The following FGGY variants were observed in gnomAD, a reference collection of about 807,000 sequenced individuals.
The protein encoded by FGGY is FGGY carbohydrate kinase domain containing, also known as FGGY carbohydrate kinase domain-containing protein.
In FGGY, 72 loss-of-function variants were observed where a neutral mutation model predicts 71.3. The ratio of observed to expected loss-of-function variants is 1.01; its 90% CI spans 0.84 to 1.23. FGGY has a LOEUF of 1.23. Ranked by LOEUF, FGGY falls within the 50% of genes most tolerant of loss-of-function variation. The pLI is 0.00. For missense variants in FGGY, 668 were observed against 682.3 expected, an observed-to-expected ratio of 0.98 and a Z score of 0.23; for synonymous variants, 251 against 250.3, an observed-to-expected ratio of 1.00 and a Z score of -0.02.
chr1:59,691,925 A>T (rs1255155483), intron 14 of FGGY, among the ~76,000 whole-genome samples: 1 of 152,182 alleles, frequency 6.6e-6, no homozygotes, highest in Non-Finnish European at 1.5e-5. Flanking sequence ...AATCTTGCTC[A>T]AGTGATTTTT....
intron 14 of FGGY, among the ~76,000 whole-genome samples, chr1:59,711,833 G>T (rs952856779): frequency 6.6e-6 from 1 of 152,068 alleles, no homozygotes. Flanking sequence ...CAGCATGGGG[G>T]AATTCAAGAT....
chr1:59,521,042 G>GGC (rs2094816640), intron 7 of FGGY, among the ~76,000 whole-genome samples: 1 of 143,028 alleles, frequency 7.0e-6, no homozygotes, highest in African/African-American at 2.6e-5. Flanking sequence ...GGGGTGGGGG[G>GGC]GGATTAGAAA....
intron 1 of FGGY, among the ~76,000 whole-genome samples, chr1:59,307,334 A>G (rs2043596684): frequency 6.6e-6 from 1 of 151,962 alleles, no homozygotes; most frequent in Non-Finnish European, 1.5e-5. Flanking sequence ...AAAAAAAAAA[A>G]AAAATCGAGT....
At chr1:59,417,768 A>G (rs1481027995) in intron 5 of FGGY, among the ~76,000 whole-genome samples, 7 of 152,174 alleles carry the variant, frequency 4.6e-5, no homozygotes, top group African/African-American at 1.7e-4. Flanking sequence ...GTCTGTTCAG[A>G]TCATATGCCC....
At chr1:59,507,604 C>G (rs1307748507) in intron 6 of FGGY, among the ~76,000 whole-genome samples, 1 of 151,642 alleles carries the variant, frequency 6.6e-6, no homozygotes, top group Non-Finnish European at 1.5e-5. Context: ...GCAACCTCTG[C>G]CTTCCTGGGT....
At chr1:59,701,034 G>T (rs2097705179) in intron 14 of FGGY, among the ~76,000 whole-genome samples, 1 of 152,190 alleles carries the variant, frequency 6.6e-6, no homozygotes, top group African/African-American at 2.4e-5. Flanking sequence ...GCCAACACTT[G>T]TGTTTTCTGT....
chr1:59,361,834 A>G (rs1486199929), intron 4 of FGGY, among the ~76,000 whole-genome samples: 1 of 152,198 alleles, frequency 6.6e-6, no homozygotes, highest in Admixed American at 6.5e-5. Context: ...AGTTGTCTCA[A>G]GACTAGACAG....
At chr1:59,368,480 C>T (rs998732029) in intron 4 of FGGY, among the ~76,000 whole-genome samples, 16 of 152,204 alleles carry the variant, frequency 1.1e-4, no homozygotes, top group African/African-American at 3.9e-4. Context: ...GTCTGACCCC[C>T]AGTTCCTTAA....
intron 5 of FGGY, among the ~76,000 whole-genome samples, chr1:59,433,612 T>C (rs1259580197): frequency 6.6e-6 from 1 of 152,208 alleles, no homozygotes; most frequent in African/African-American, 2.4e-5. Context: ...ACCAAAAATA[T>C]GCTTTTGTAA....
intron 14 of FGGY, among the ~76,000 whole-genome samples, chr1:59,695,559 C>T (rs991368641): frequency 6.6e-6 from 1 of 152,166 alleles, no homozygotes; most frequent in Non-Finnish European, 1.5e-5. Context: ...AGGCATCTTA[C>T]AAATTTATTG....
chr1:59,503,113 C>T (rs970857275), intron 6 of FGGY, among the ~76,000 whole-genome samples: 1 of 152,156 alleles, frequency 6.6e-6, no homozygotes, highest in Admixed American at 6.5e-5. Context: ...TACATAGTGA[C>T]TTTGAACAAA....
At chr1:59,703,499 G>A (rs2097727368) in intron 14 of FGGY, among the ~76,000 whole-genome samples, 1 of 152,236 alleles carries the variant, frequency 6.6e-6, no homozygotes, top group African/African-American at 2.4e-5. Context: ...TCCAAATCCA[G>A]TGTTCTTTCC....
At chr1:59,378,910 A>C (rs2059013606) in intron 5 of FGGY, 73 bp downstream of exon 5, 1 of 1,271,844 alleles carries the variant, frequency 7.9e-7, no homozygotes, top group African/African-American at 1.5e-5. Flanking sequence ...TTGCTTTCTT[A>C]ACTCTCTTTG....
At chr1:59,565,573 C>T (rs72917771) in intron 8 of FGGY, among the ~76,000 whole-genome samples, 11,793 of 152,202 alleles carry the variant, frequency 0.077, 1,040 homozygotes, top group African/African-American at 0.22. Flanking sequence ...CGTGAGCCAC[C>T]GCGCCTGGCC....
intron 14 of FGGY, among the ~76,000 whole-genome samples, chr1:59,705,867 C>T (rs77832718): frequency 0.065 from 9,943 of 152,300 alleles, 385 homozygotes; most frequent in Non-Finnish European, 0.094. Context: ...TGCAACTGGT[C>T]ATCTAAAACT....
chr1:59,706,535 C>G (rs1558860269), intron 14 of FGGY, among the ~76,000 whole-genome samples: 1 of 152,162 alleles, frequency 6.6e-6, no homozygotes, highest in Non-Finnish European at 1.5e-5. Flanking sequence ...TATGCTTACT[C>G]CAAGCTCAGC....
chr1:59,505,833 G>C (rs557138461), intron 6 of FGGY, among the ~76,000 whole-genome samples: 52 of 152,242 alleles, frequency 3.4e-4, no homozygotes, highest in African/African-American at 1.1e-3. Context: ...TGTTCCCAAA[G>C]TGCTCATTAG....
intron 4 of FGGY, among the ~76,000 whole-genome samples, chr1:59,350,479 G>A (rs992661198): frequency 1.3e-5 from 2 of 152,208 alleles, no homozygotes; most frequent in Non-Finnish European, 2.9e-5. Flanking sequence ...TAGCAGAGAA[G>A]ATAGGAAAGA....
intron 14 of FGGY, chr1:59,697,540 T>C: frequency 1.9e-6 from 1 of 531,072 alleles, no homozygotes. Context: ...CCTTCCTTCT[T>C]GGTTGTATTC....
Sources: gnomAD v4.1 joint callset for allele counts (sites outside exome capture counted in the v4.1 genomes callset) on GRCh38, gnomAD v4.1.1 for gene constraint, MANE v1.5 for transcripts, NCBI Gene and HGNC (gene_info 2026-07-23, HGNC 2026-07-21) for gene names.